ATG10: variants seen among roughly 807,000 people sequenced by gnomAD.
ATG10 encodes autophagy related 10.
Under a neutral mutation model 32.1 loss-of-function variants are expected in ATG10, and 30 were observed. The ratio of observed to expected loss-of-function variants is 0.94; its 90% CI spans 0.70 to 1.27. ATG10 has a LOEUF of 1.27. Among genes scored for constraint, ATG10 ranks in the 50% most tolerant of loss-of-function variants. ATG10 has a pLI of 0.00. For synonymous variants in ATG10, 87 were observed against 91.5 expected, an observed-to-expected ratio of 0.95 and a Z score of 0.28; for missense variants, 233 against 262.3, an observed-to-expected ratio of 0.89 and a Z score of 0.77.
At chr5:82,061,655 T>G (rs1763777682) in intron 3 of ATG10, among the ~76,000 whole-genome samples, 1 of 149,562 alleles carries the variant, frequency 6.7e-6, no homozygotes, top group Non-Finnish European at 1.5e-5. Context: ...ATTAATTATA[T>G]GTGTATTATA....
intron 4 of ATG10, among the ~76,000 whole-genome samples, chr5:82,173,989 G>A (rs920736451): frequency 3.3e-5 from 5 of 152,088 alleles, no homozygotes; most frequent in Non-Finnish European, 7.4e-5. Flanking sequence ...TTTATATGAT[G>A]CAGTTCTTTA....
chr5:82,197,514 ATCTG>A (rs1486996462), intron 5 of ATG10, among the ~76,000 whole-genome samples: 12 of 151,520 alleles, frequency 7.9e-5, no homozygotes, highest in Non-Finnish European at 1.5e-4. Context: ...CTATCTACCT[ATCTG>A]TCTGTCTGTC....
intron 3 of ATG10, among the ~76,000 whole-genome samples, chr5:82,071,236 G>A (rs1257450786): frequency 6.6e-6 from 1 of 152,148 alleles, no homozygotes; most frequent in South Asian, 2.1e-4. Context: ...TGATCGTAGG[G>A]GATCTTGGGA....
intron 3 of ATG10, among the ~76,000 whole-genome samples, chr5:82,095,071 AAAATT>A (rs1266100660): frequency 2.0e-5 from 3 of 152,192 alleles, no homozygotes; most frequent in African/African-American, 7.2e-5. Flanking sequence ...TAGTCAGCTA[AAAATT>A]AAATAAATAA....
In ATG10 at chr5:82,023,064, CT is replaced by C. The variant is rs200057602; in HGVS notation, c.108+35387del. 5.3e-3 allele frequency among the ~76,000 whole-genome samples: 794 copies of C among 151,056 alleles called. 5 individuals carry two copies. Among genetic ancestry groups the C allele is most frequent in the African/African-American group, 0.015 (629 of 40,972 alleles). On this transcript the variant is annotated intron_variant, in intron 2 of 7. Transcript: ENST00000282185. ...TATTTTTCTTCTCAATGCTCCCCCC[CT>C]GCCCCAGCAAACTTTAGTTGCCTCT... is the stretch of plus-strand genomic sequence containing the variant.
intron 3 of ATG10, among the ~76,000 whole-genome samples, chr5:82,102,643 GA>G (rs1356540346): frequency 6.6e-6 from 1 of 152,104 alleles, no homozygotes; most frequent in Non-Finnish European, 1.5e-5. Flanking sequence ...CTCTTTTAAA[GA>G]CTTAAATAAC....
At chr5:82,232,509 G>T in intron 5 of ATG10, among the ~76,000 whole-genome samples, 1 of 152,120 alleles carries the variant, frequency 6.6e-6, no homozygotes, top group East Asian at 1.9e-4. Flanking sequence ...CTACTTTATA[G>T]AATTGTGAAA....
chr5:82,157,384 C>G (rs370935014), intron 3 of ATG10, among the ~76,000 whole-genome samples: 1 of 152,126 alleles, frequency 6.6e-6, no homozygotes, highest in East Asian at 1.9e-4. Flanking sequence ...ATGTTGAACC[C>G]GCTGATATGT....
intron 3 of ATG10, among the ~76,000 whole-genome samples, chr5:82,119,069 A>G (rs1477116429): frequency 1.3e-5 from 2 of 152,210 alleles, no homozygotes; most frequent in Non-Finnish European, 2.9e-5. Flanking sequence ...ATTGATAGTC[A>G]AATTACTTTA....
At chr5:81,993,265 CAA>C (rs1761513266) in intron 2 of ATG10, among the ~76,000 whole-genome samples, 2 of 150,932 alleles carry the variant, frequency 1.3e-5, no homozygotes, top group Admixed American at 1.3e-4. Context: ...ATTTTGCATT[CAA>C]AGAGTTTAGC....
At chr5:82,050,042 A>G (rs1763360371) in intron 2 of ATG10, among the ~76,000 whole-genome samples, 1 of 152,068 alleles carries the variant, frequency 6.6e-6, no homozygotes, top group African/African-American at 2.4e-5. Context: ...CAATTTTGTA[A>G]TTTGTTTTCT....
Position 82,209,011 on chromosome 5 carries a change from C to T in ATG10, c.453+30424C>T, listed in dbSNP as rs1406301949. On this transcript the variant is annotated intron_variant, in intron 5 of 7. Coordinates refer to ENST00000282185, the MANE Select transcript of ATG10 (RefSeq NM_031482.5). The stretch of plus-strand genomic sequence containing the variant: ...TTAGAGATCAAGCATATGTTACCTT[C>T]ATAAAATGAGCTGGGAAGGGATCTT... Among the ~76,000 whole-genome samples the T allele has an allele frequency of 2.0e-5, 3 of 151,990 alleles. No homozygotes were observed. In the East Asian group the frequency reaches 5.8e-4, roughly 29 times the overall value.
intron 2 of ATG10, among the ~76,000 whole-genome samples, chr5:82,024,993 G>T (rs1762553790): frequency 6.6e-6 from 1 of 152,200 alleles, no homozygotes; most frequent in Non-Finnish European, 1.5e-5. Context: ...ATTGAGTTGT[G>T]TACTTTTTGA....
chr5:82,006,445 G>A (rs1012770222), intron 2 of ATG10, among the ~76,000 whole-genome samples: 1 of 152,118 alleles, frequency 6.6e-6, no homozygotes, highest in Non-Finnish European at 1.5e-5. Flanking sequence ...GTGTTTCAAA[G>A]CATCTGTGGC....
At chr5:82,072,430 G>A (rs1389627754) in intron 3 of ATG10, among the ~76,000 whole-genome samples, 1 of 152,144 alleles carries the variant, frequency 6.6e-6, no homozygotes, top group South Asian at 2.1e-4. Flanking sequence ...CGTTCCTTCA[G>A]TGTAAGATCC....
At chr5:81,993,165 C>A (rs1382738883) in intron 2 of ATG10, among the ~76,000 whole-genome samples, 1 of 152,102 alleles carries the variant, frequency 6.6e-6, no homozygotes, top group Non-Finnish European at 1.5e-5. Flanking sequence ...GGACATACTA[C>A]TTAATGTCTC....
At chr5:82,222,624 A>G (rs891705331) in intron 5 of ATG10, among the ~76,000 whole-genome samples, 1 of 152,230 alleles carries the variant, frequency 6.6e-6, no homozygotes, top group Non-Finnish European at 1.5e-5. Context: ...AAAGATTCAT[A>G]TATGTATTTT....
In ATG10 at chr5:82,254,905, T is replaced by TGTGTGTGA; in HGVS notation, c.*849_*850insAGTGTGTG. On this transcript the variant is annotated 3_prime_UTR_variant, in exon 8 of 8. Coordinates refer to ENST00000282185, the MANE Select transcript of ATG10 (RefSeq NM_031482.5). ...GAGAGAGAGAGTGAGTGTGAGTGTG[T>TGTGTGTGA]GTGTGTGTGTGTGTGTATGTGTGGG... 6.6e-6 allele frequency: 1 copy of TGTGTGTGA among 151,862 alleles called. No individual in the cohort carries two copies. Among genetic ancestry groups the TGTGTGTGA allele is most frequent in the African/African-American group, 2.4e-5 (1 of 41,392 alleles). 9.4% of individuals were successfully genotyped at this position (151,862 alleles called of 1,614,324 possible).
At chr5:82,015,521 C>T (rs974580001) in intron 2 of ATG10, among the ~76,000 whole-genome samples, 3 of 152,116 alleles carry the variant, frequency 2.0e-5, no homozygotes, top group African/African-American at 7.2e-5. Flanking sequence ...AGGCTTTGTT[C>T]GTGTCTTTTT....
Sources: allele counts gnomAD v4.1 joint callset (sites outside exome capture counted in the v4.1 genomes callset), GRCh38; gene constraint gnomAD v4.1.1; transcripts MANE v1.5; gene names NCBI Gene and HGNC (gene_info 2026-07-23, HGNC 2026-07-21).